Variants in CPXM2 observed in about 807,000 individuals in gnomAD.
The protein encoded by CPXM2 is inactive carboxypeptidase-like protein X2.
In CPXM2, 66 loss-of-function variants were observed where a neutral mutation model predicts 86.1. The observed-to-expected ratio is 0.77, with a 90% CI of 0.63 to 0.94. The LOEUF is 0.94. CPXM2 is among the 40% of genes least tolerant of loss of function. CPXM2 has a pLI of 0.00. For missense variants in CPXM2, 948 were observed against 1,026.3 expected (o/e 0.92, Z 1.04); for synonymous variants, 388 against 400.2 (o/e 0.97, Z 0.36).
At chr10:123,926,394 T>G (rs1359724112) in intron 2 of CPXM2, among the ~76,000 whole-genome samples, 1 of 152,232 alleles carries the variant, frequency 6.6e-6, no homozygotes, top group East Asian at 1.9e-4. Flanking sequence ...ACCTCTACCA[T>G]GGCACCTAGC....
chr10:123,821,134 A>G (rs1847915086), intron 4 of CPXM2, among the ~76,000 whole-genome samples: 1 of 152,198 alleles, frequency 6.6e-6, no homozygotes, highest in Non-Finnish European at 1.5e-5. Context: ...TGGTTCCCTA[A>G]TTCCATTCAA....
rs562175031 is a variant in CPXM2, at chr10:123,746,292, T to C, written c.*472A>G. 2 of 161,794 alleles carry C rather than the reference T, an allele frequency of 1.2e-5. No individual in the cohort carries two copies. The highest frequency in any genetic ancestry group is 3.7e-4 in the East Asian group (2 of 5,452). 10.0% of individuals were successfully genotyped at this position (161,794 alleles called of 1,614,324 possible). A position where few individuals can be genotyped will look rare whatever the true frequency, so the allele number is the denominator to read the frequency against. On this transcript the variant is annotated 3_prime_UTR_variant, in exon 14 of 14. Transcript: ENST00000241305. ...TGCAATGTCCCAGGGCCAGAGAGGG[T>C]GGATTCTCTTAGGACGCCTGGGAGC...
intron 5 of CPXM2, 91 bp from the exon 6 acceptor site, chr10:123,798,217 A>T: frequency 1.4e-5 from 14 of 1,026,444 alleles, no homozygotes; most frequent in Non-Finnish European, 1.9e-5. Flanking sequence ...ACAAGACTTT[A>T]TTGAGGAAAA....
rs764574900 is a variant in CPXM2, at chr10:123,842,454, G to A, written c.548C>T (p.Ala183Val). 6 of 1,613,978 alleles carry A rather than the reference G, an allele frequency of 3.7e-6. No homozygotes were observed. Among genetic ancestry groups the A allele is most frequent in the South Asian group, 1.1e-5 (1 of 91,080 alleles). Reference sequence around the variant, plus strand: ...GAGGTCATTTCTTCCCGCGCACCACGCTCCGTCATAAAAATCATTTTCATT... The same window carrying A: ...GAGGTCATTTCTTCCCGCGCACCACACTCCGTCATAAAAATCATTTTCATT... ...GINENDFYDG[A>V]WCAGRNDLQQ... Residue 183 changes from alanine to valine, a missense_variant, in exon 4 of 14, where the codon GCG becomes GTG. Transcript: ENST00000241305.
intron 13 of CPXM2, among the ~76,000 whole-genome samples, chr10:123,747,920 T>TAAAAAAA (rs1358042899): frequency 3.2e-5 from 2 of 63,010 alleles, no homozygotes; most frequent in African/African-American, 8.8e-5. Context: ...AGACTCTGTC[T>TAAAAAAA]CAAAAAAAAA....
At chr10:123,883,189 T>C (rs1312914241) in intron 1 of CPXM2, among the ~76,000 whole-genome samples, 2 of 152,214 alleles carry the variant, frequency 1.3e-5, no homozygotes, top group East Asian at 3.9e-4. Context: ...ACTGACAGTG[T>C]GACTCCCCTG....
At chr10:123,835,616 T>G (rs1229524423) in intron 4 of CPXM2, among the ~76,000 whole-genome samples, 1 of 152,178 alleles carries the variant, frequency 6.6e-6, no homozygotes, top group African/African-American at 2.4e-5. Flanking sequence ...CAGCCCCACA[T>G]AGGTGCCAAA....
At chr10:123,905,948 G>A (rs1452384922) in intron 2 of CPXM2, among the ~76,000 whole-genome samples, 1 of 152,126 alleles carries the variant, frequency 6.6e-6, no homozygotes, top group African/African-American at 2.4e-5. Context: ...TGGCTCTCGG[G>A]TTCTATGTGA....
intron 3 of CPXM2, among the ~76,000 whole-genome samples, chr10:123,856,099 T>A (rs1205134955): frequency 2.0e-5 from 3 of 152,212 alleles, no homozygotes; most frequent in African/African-American, 7.2e-5. Flanking sequence ...ATCAGCTGTT[T>A]CTTCCAAGCT....
chr10:123,880,145 T>TGGGGGGGCCCCCC, intron 2 of CPXM2, 66 bp downstream of exon 2: 1 of 407,580 alleles, frequency 2.5e-6, no homozygotes. Flanking sequence ...CAGGGGCCTG[T>TGGGGGGGCCCCCC]ACCCACCCAC....
intron 13 of CPXM2, 135 bp from the exon 14 acceptor site, chr10:123,747,152 A>T: frequency 9.3e-7 from 1 of 1,070,360 alleles, no homozygotes; most frequent in South Asian, 1.5e-5. Context: ...GCTCCTGCAG[A>T]TGCAAATTCT....
intron 11 of CPXM2, among the ~76,000 whole-genome samples, chr10:123,760,153 G>T (rs1420175508): frequency 6.6e-6 from 1 of 152,152 alleles, no homozygotes; most frequent in Non-Finnish European, 1.5e-5. Context: ...AAAATCAAAC[G>T]CTACCTATGT....
chr10:123,745,640 G>A lies in CPXM2; in HGVS notation c.*1124C>T, dbSNP rs1010324578. The A allele has an allele frequency of 6.6e-6, 1 of 151,662 alleles. No individual in the cohort carries two copies. The highest frequency in any genetic ancestry group is 2.1e-4 in the South Asian group (1 of 4,752). The allele number at this position is 151,662 out of a possible 1,614,324, so 9.4% of individuals were successfully genotyped here. On this transcript the variant is annotated 3_prime_UTR_variant, in exon 14 of 14. Coordinates refer to ENST00000241305, the MANE Select transcript of CPXM2 (RefSeq NM_198148.3). ...CAGAAAAGTCACACACACCAGAAGG[G>A]TCTTACCATTTGCTTTATTTTTTTT...
At chr10:123,813,561 C>T (rs1038234376) in intron 4 of CPXM2, among the ~76,000 whole-genome samples, 3 of 152,190 alleles carry the variant, frequency 2.0e-5, no homozygotes, top group African/African-American at 7.2e-5. Flanking sequence ...ATTCTTACAT[C>T]TTAAACCTAA....
At chr10:123,751,633 A>T (rs1273983108) in intron 13 of CPXM2, 1 of 985,234 alleles carries the variant, frequency 1.0e-6, no homozygotes, top group Non-Finnish European at 1.2e-6. Context: ...ATCTAACTCA[A>T]AGCATTCCTA....
chr10:123,834,896 T>C (rs1335035670), intron 4 of CPXM2, among the ~76,000 whole-genome samples: 1 of 152,098 alleles, frequency 6.6e-6, no homozygotes, highest in Non-Finnish European at 1.5e-5. Context: ...CTGGCACCTT[T>C]CCCCTCTCTC....
intron 2 of CPXM2, among the ~76,000 whole-genome samples, chr10:123,898,515 G>T (rs570113112): frequency 2.6e-5 from 4 of 152,224 alleles, no homozygotes; most frequent in Admixed American, 2.0e-4. Flanking sequence ...ATGTGCACCT[G>T]TAGTCTTAGC....
chr10:123,884,947 A>G (rs1290891162), intron 1 of CPXM2, among the ~76,000 whole-genome samples: 2 of 152,232 alleles, frequency 1.3e-5, no homozygotes, highest in African/African-American at 4.8e-5. Flanking sequence ...TTGCAACCAA[A>G]TAGAGTCCTT....
chr10:123,937,470 A>ACAC (rs1491511876), intron 2 of CPXM2, among the ~76,000 whole-genome samples: 3 of 132,590 alleles, frequency 2.3e-5, no homozygotes, highest in African/African-American at 8.3e-5. Context: ...ACAACAAAAC[A>ACAC]ACACACACAC....
Sources: allele counts gnomAD v4.1 joint callset (sites outside exome capture counted in the v4.1 genomes callset), GRCh38; gene constraint gnomAD v4.1.1; transcripts MANE v1.5; gene names NCBI Gene and HGNC (gene_info 2026-07-23, HGNC 2026-07-21).